The following PCDH15 variants were observed in gnomAD, a reference collection of about 807,000 sequenced individuals.
PCDH15 encodes protocadherin-15.
In PCDH15, 129 loss-of-function variants were observed where a neutral mutation model predicts 178.5. That is an observed-to-expected ratio of 0.72 (90% confidence interval 0.63 to 0.84). PCDH15 has a LOEUF of 0.84. PCDH15 is among the 40% of genes least tolerant of loss of function. PCDH15 has a pLI of 0.00. For synonymous variants in PCDH15, 800 were observed against 732.0 expected, an observed-to-expected ratio of 1.09 and a Z score of -1.50; for missense variants, 2,230 against 2,099.9, an observed-to-expected ratio of 1.06 and a Z score of -1.21.
chr10:54,816,074 G>A (rs1294115157), intron 3 of PCDH15, among the ~76,000 whole-genome samples: 9 of 152,014 alleles, frequency 5.9e-5, no homozygotes, highest in African/African-American at 2.2e-4. Flanking sequence ...TAACCCCTGT[G>A]TTGTTAAGAG....
At chr10:54,783,521 A>G (rs1177905276) in intron 1 of PCDH15, among the ~76,000 whole-genome samples, 1 of 152,114 alleles carries the variant, frequency 6.6e-6, no homozygotes, top group Non-Finnish European at 1.5e-5. Context: ...GCAAATAAAT[A>G]TTTGCATTAT....
At chr10:55,624,775 T>G (rs2461904) in intron 2 of PCDH15, among the ~76,000 whole-genome samples, 152,179 of 152,216 alleles carry the variant, frequency 1, 76,071 homozygotes, top group Non-Finnish European at 1. Flanking sequence ...GAATTTCATG[T>G]AGATGTTATT....
In PCDH15 at chr10:54,024,932, T is replaced by C. The variant is rs141720855; in HGVS notation, c.2221-1735A>G. Among the ~76,000 whole-genome samples the C allele has an allele frequency of 3.1e-3, 470 of 152,252 alleles. 2 individuals carry two copies. Among genetic ancestry groups the C allele is most frequent in the African/African-American group, 0.011 (444 of 41,534 alleles). On this transcript the variant is annotated intron_variant, in intron 18 of 37. Coordinates refer to ENST00000644397, the MANE Select transcript of PCDH15 (RefSeq NM_001384140.1). ...AAAATTGTAAGCCAAGAACAAAATATAAATATGTTTTGTTTCATAATAATA... is the reference window on the plus strand; with the variant it reads ...AAAATTGTAAGCCAAGAACAAAATACAAATATGTTTTGTTTCATAATAATA...
At chr10:54,730,591 C>T (rs1468509068) in intron 1 of PCDH15, among the ~76,000 whole-genome samples, 7 of 151,248 alleles carry the variant, frequency 4.6e-5, no homozygotes, top group Non-Finnish European at 1.0e-4. Flanking sequence ...AAGTAGAACC[C>T]AGATATAAAT....
At chr10:54,202,058 A>AT (rs1276836348) in intron 10 of PCDH15, among the ~76,000 whole-genome samples, 1 of 152,100 alleles carries the variant, frequency 6.6e-6, no homozygotes, top group Non-Finnish European at 1.5e-5. Context: ...ATTTATATGC[A>AT]TTTTTGAATG....
At chr10:54,054,186 T>C (rs1417504059) in intron 18 of PCDH15, among the ~76,000 whole-genome samples, 2 of 152,140 alleles carry the variant, frequency 1.3e-5, no homozygotes, top group Non-Finnish European at 2.9e-5. Flanking sequence ...TATTTGAGGC[T>C]GTAGCTTAAA....
At chr10:55,324,971 A>G (rs1411388957) in intron 2 of PCDH15, among the ~76,000 whole-genome samples, 1 of 152,136 alleles carries the variant, frequency 6.6e-6, no homozygotes, top group African/African-American at 2.4e-5. Flanking sequence ...CCCATTCACA[A>G]TTGCCACAAG....
chr10:54,211,523 A>G (rs553456574), intron 10 of PCDH15, among the ~76,000 whole-genome samples: 46 of 152,264 alleles, frequency 3.0e-4, no homozygotes, highest in African/African-American at 1.0e-3. Context: ...CATGCTGAAT[A>G]AATCACTGGG....
chr10:53,878,435 T>TAC (rs142479064), intron 26 of PCDH15, among the ~76,000 whole-genome samples: 90,898 of 143,504 alleles, frequency 0.63, 29,561 homozygotes, highest in Middle Eastern at 0.79. Context: ...TATATATATA[T>TAC]ATCTCCATAT....
chr10:54,051,957 A>G (rs2660156), intron 18 of PCDH15, among the ~76,000 whole-genome samples: 31,634 of 152,204 alleles, frequency 0.21, 3,477 homozygotes, highest in Non-Finnish European at 0.23. Flanking sequence ...TTCAGAGGGC[A>G]CAAGCCCTAA....
chr10:54,896,683 T>C (rs1222336883), intron 3 of PCDH15, among the ~76,000 whole-genome samples: 2 of 152,172 alleles, frequency 1.3e-5, no homozygotes, highest in East Asian at 1.9e-4. Flanking sequence ...ATTTCTGCAC[T>C]TTCTTCCTTC....
chr10:53,831,818 C>T (rs372247934), intron 29 of PCDH15, among the ~76,000 whole-genome samples: 38 of 152,168 alleles, frequency 2.5e-4, no homozygotes, highest in Middle Eastern at 3.4e-3. Flanking sequence ...CTTAATATTA[C>T]TGTGTCAAAA....
intron 2 of PCDH15, among the ~76,000 whole-genome samples, chr10:54,613,345 G>C (rs1278158127): frequency 6.6e-6 from 1 of 151,858 alleles, no homozygotes; most frequent in Non-Finnish European, 1.5e-5. Context: ...AATTGTTCAG[G>C]AAGTTCAATA....
chr10:55,381,818 G>A (rs2441764), intron 2 of PCDH15, among the ~76,000 whole-genome samples: 33,593 of 151,984 alleles, frequency 0.22, 3,994 homozygotes, highest in African/African-American at 0.3. Context: ...AAGTTGATCC[G>A]GCCACTCACC....
chr10:54,223,562 T>TTTTTTTTTTTTTTTGAGACG (rs1554845758), intron 9 of PCDH15, among the ~76,000 whole-genome samples: 11 of 146,174 alleles, frequency 7.5e-5, no homozygotes, highest in Non-Finnish European at 1.4e-4. Flanking sequence ...ATATTATTTT[T>TTTTTTTTTTTTTTTGAGACG]GAAGTGTTTA....
intron 3 of PCDH15, among the ~76,000 whole-genome samples, chr10:54,819,712 T>G (rs759935589): frequency 2.2e-4 from 33 of 152,044 alleles, no homozygotes; most frequent in South Asian, 4.1e-4. Context: ...AAAATTACAT[T>G]AAGCCATTAC....
intron 1 of PCDH15, among the ~76,000 whole-genome samples, chr10:54,758,415 G>T (rs947670043): frequency 2.6e-5 from 4 of 152,084 alleles, no homozygotes; most frequent in Non-Finnish European, 5.9e-5. Flanking sequence ...TGTTGCTGAC[G>T]CTTTTTGGAT....
At chr10:55,119,315 C>T (rs1372190700) in intron 2 of PCDH15, among the ~76,000 whole-genome samples, 2 of 152,078 alleles carry the variant, frequency 1.3e-5, no homozygotes, top group Non-Finnish European at 2.9e-5. Context: ...TCTAACCTGA[C>T]CTTCGACTTT....
Position 54,307,587 on chromosome 10 carries a change from C to T in PCDH15, c.876+9684G>A, listed in dbSNP as rs1468690258. ...GATATATTTTGGCTCACAGTATCAC[C>T]TTGTGGCATTTGGCATCTGCTGCTC... On this transcript the variant is annotated intron_variant, in intron 8 of 37. Transcript: ENST00000644397. Among the ~76,000 whole-genome samples, 3 of 151,904 alleles carry T rather than the reference C, an allele frequency of 2.0e-5. No homozygotes were observed. The East Asian group carries it at 5.8e-4, about 30-fold the overall frequency.
Sources: allele counts gnomAD v4.1 joint callset (sites outside exome capture counted in the v4.1 genomes callset), GRCh38; gene constraint gnomAD v4.1.1; transcripts MANE v1.5; gene names NCBI Gene and HGNC (gene_info 2026-07-23, HGNC 2026-07-21).